Variants in RABEP2 observed in about 807,000 individuals in gnomAD.
The protein encoded by RABEP2 is rab GTPase-binding effector protein 2.
RABEP2 carries 57 observed loss-of-function variants against 74.1 expected under a neutral mutation model. The ratio of observed to expected loss-of-function variants is 0.77; its 90% CI spans 0.62 to 0.96. The LOEUF (loss-of-function observed/expected upper bound fraction) is 0.96, where lower values mean the gene tolerates loss of function less well. Ranked by LOEUF, RABEP2 falls within the 40% of genes least tolerant of loss-of-function variation. The pLI is 0.00. For synonymous variants in RABEP2, 351 were observed against 344.0 expected (o/e 1.02, Z -0.23); for missense variants, 692 against 756.3 (o/e 0.91, Z 1.00).
chr16:28,910,756 G>T (rs531725829), intron 7 of RABEP2, 132 bp downstream of exon 7: 2 of 773,816 alleles, frequency 2.6e-6, no homozygotes, highest in East Asian at 2.7e-5. Flanking sequence ...ACCTGGCACC[G>T]GTTCCAGGGT....
rs547641796 is a variant in RABEP2, at chr16:28,911,216, G to A, written c.895-37C>T. The stretch of plus-strand genomic sequence containing the variant: ...CCTGCCTTCAGCCTGCATCTCCCAG[G>A]AACTTGGCCCCCCTCACCACACTTC... On this transcript the variant is annotated intron_variant, in intron 5 of 12. Transcript: ENST00000358201. 4.4e-4 allele frequency: 706 copies of A among 1,589,878 alleles called. 1 individual carries two copies. Among genetic ancestry groups the A allele is most frequent in the Non-Finnish European group, 5.7e-4 (670 of 1,171,818 alleles).
intron 2 of RABEP2, among the ~76,000 whole-genome samples, chr16:28,921,468 C>G (rs1217730326): frequency 6.6e-6 from 1 of 151,816 alleles, no homozygotes; most frequent in African/African-American, 2.4e-5. Flanking sequence ...GGAAGAGCAG[C>G]TGGCGTGGCT....
intron 8 of RABEP2, 69 bp downstream of exon 8, chr16:28,908,540 C>T: frequency 2.0e-6 from 3 of 1,499,746 alleles, no homozygotes; most frequent in East Asian, 2.3e-5. Flanking sequence ...GTGACCAACG[C>T]TCTGCCCTGC....
At chr16:28,921,912 C>G (rs1178837832) in intron 2 of RABEP2, among the ~76,000 whole-genome samples, 1 of 151,944 alleles carries the variant, frequency 6.6e-6, no homozygotes, top group East Asian at 1.9e-4. Flanking sequence ...TTGCAGTGAA[C>G]CGAGATTGTG....
Position 28,924,448 on chromosome 16 carries a change from G to A in RABEP2, c.229C>T (p.Arg77Trp). The A allele has an allele frequency of 6.2e-7, 1 of 1,613,656 alleles. No homozygotes were observed. Among genetic ancestry groups the A allele is most frequent in the Non-Finnish European group, 8.5e-7 (1 of 1,179,998 alleles). The change falls in exon 2 of 13, where the codon CGG becomes TGG. Residue 77 changes from arginine to tryptophan, a missense_variant. Physicochemically the swap from Arg to Trp is moderately radical, Grantham distance 101. Coordinates refer to ENST00000358201, the MANE Select transcript of RABEP2 (RefSeq NM_024816.3). ...TKAEAVAAVQRQCQEEVASLQ... is the reference protein window; with the variant it reads ...TKAEAVAAVQWQCQEEVASLQ... ...GAGGCCACCTCCTCTTGGCACTGCCGCTGCACCGCAGCCACAGCCTCGGCC... is the reference window on the plus strand; with the variant it reads ...GAGGCCACCTCCTCTTGGCACTGCCACTGCACCGCAGCCACAGCCTCGGCC...
In RABEP2 at chr16:28,908,609, T is replaced by A. The variant is rs1451658421; in HGVS notation, c.1245A>T (p.Pro415=). 2 of 1,608,052 alleles carry A rather than the reference T, an allele frequency of 1.2e-6. No individual in the cohort carries two copies. Among genetic ancestry groups the A allele is most frequent in the Admixed American group, 3.4e-5 (2 of 59,410 alleles). The change falls in exon 8 of 13, where the codon CCA becomes CCT. Residue 415 remains proline, a splice_region_variant and synonymous_variant. Transcript: ENST00000358201. The stretch of plus-strand genomic sequence containing the variant: ...CTCTCAGTGCCCACACTCAGCTTAC[T>A]GGCACAGAGCTGGGCAGTGATTCCT... The part of the protein sequence containing the change: ...GEEESLPSSV[P]ELQQLLCCTR...
chr16:28,905,928 C>G lies in RABEP2; in HGVS notation c.1424-50G>C, dbSNP rs762870201. 2.5e-6 allele frequency: 4 copies of G among 1,613,078 alleles called. No homozygotes were observed. In the African/African-American group the frequency reaches 5.3e-5, roughly 22 times the overall value. On this transcript the variant is annotated intron_variant, in intron 9 of 12. Transcript: ENST00000358201. ...TCAAGGCCAGCCTCTCTCCCCTCCC[C>G]GCTGCTGCCCACGCCTGGGCCCCGG...
At chr16:28,916,782 A>C (rs1486022016) in intron 3 of RABEP2, among the ~76,000 whole-genome samples, 1 of 151,916 alleles carries the variant, frequency 6.6e-6, no homozygotes, top group African/African-American at 2.4e-5. Flanking sequence ...TCAGGAGTTC[A>C]AGACCAGACT....
intron 8 of RABEP2, among the ~76,000 whole-genome samples, 173 bp from the exon 9 acceptor site, chr16:28,906,369 G>A (rs1964232034): frequency 6.6e-6 from 1 of 152,208 alleles, no homozygotes; most frequent in African/African-American, 2.4e-5. Context: ...GGACAGGTGC[G>A]CTCCGGCCCA....
At chr16:28,910,855 C>T (rs529424657) in intron 7 of RABEP2, 33 bp downstream of exon 7, 45 of 1,567,340 alleles carry the variant, frequency 2.9e-5, no homozygotes, top group East Asian at 1.3e-4. Flanking sequence ...CTGGACTCCT[C>T]GCCCTCCTGC....
In RABEP2 at chr16:28,905,533, A is replaced by G; in HGVS notation, c.1492-20T>C. 6.2e-7 allele frequency: 1 copy of G among 1,601,746 alleles called. No individual in the cohort carries two copies. The highest frequency in any genetic ancestry group is 1.1e-5 in the South Asian group (1 of 90,142). ...CTGGGCCTGCGGGGACAGACACCAC[A>G]CTGAGCTGGGCCTGGCTCAGCCTGG... On this transcript the variant is annotated intron_variant, in intron 11 of 12. Transcript: ENST00000358201.
intron 7 of RABEP2, 139 bp from the exon 8 acceptor site, chr16:28,908,903 G>C: frequency 2.3e-6 from 2 of 875,416 alleles, no homozygotes; most frequent in Non-Finnish European, 3.4e-6. Context: ...CAAGGAAGGA[G>C]CACTTTTTGC....
At chr16:28,923,106 G>C (rs1350152516) in intron 2 of RABEP2, among the ~76,000 whole-genome samples, 1 of 151,914 alleles carries the variant, frequency 6.6e-6, no homozygotes, top group Non-Finnish European at 1.5e-5. Flanking sequence ...CACATAGTGA[G>C]TGCTCAAAAC....
intron 8 of RABEP2, among the ~76,000 whole-genome samples, chr16:28,907,022 T>C (rs549924407): frequency 3.8e-4 from 57 of 151,984 alleles, no homozygotes; most frequent in Non-Finnish European, 7.8e-4. Flanking sequence ...AAGTTAAGCA[T>C]CGCACTGTAC....
intron 1 of RABEP2, 74 bp downstream of exon 1, chr16:28,925,029 C>T: frequency 6.9e-7 from 1 of 1,457,552 alleles, no homozygotes; most frequent in Non-Finnish European, 9.3e-7. Context: ...CTCCACCCCC[C>T]ATCCGCAGGT....
intron 7 of RABEP2, among the ~76,000 whole-genome samples, chr16:28,909,715 A>G (rs554493647): frequency 4.2e-4 from 62 of 147,914 alleles, no homozygotes; most frequent in Middle Eastern, 3.4e-3. Context: ...AGAGCAACAC[A>G]CCATTTCTTA....
chr16:28,923,229 G>C (rs527798834), intron 2 of RABEP2, among the ~76,000 whole-genome samples: 1 of 152,154 alleles, frequency 6.6e-6, no homozygotes, highest in South Asian at 2.1e-4. Context: ...GTAACATAGA[G>C]AGACCCTGTT....
Position 28,924,336 on chromosome 16 carries a change from T to A in RABEP2, c.274+67A>T, listed in dbSNP as rs1964505815. On this transcript the variant is annotated intron_variant, in intron 2 of 12. Coordinates refer to ENST00000358201, the MANE Select transcript of RABEP2 (RefSeq NM_024816.3). ...TCCCATAGCTTATCTGTGCCCCCAA[T>A]CCCTTTCTCGTCATGCACTCCCCAG... 3 of 1,472,360 alleles carry A rather than the reference T, an allele frequency of 2.0e-6. No homozygotes were observed. In the Admixed American group the frequency reaches 5.1e-5, roughly 25 times the overall value. The allele number at this position is 1,472,360 out of a possible 1,614,324, so 91.2% of individuals were successfully genotyped here.
chr16:28,924,647 A>G, intron 1 of RABEP2, 32 bp from the exon 2 acceptor site: 1 of 1,584,190 alleles, frequency 6.3e-7, no homozygotes, highest in Non-Finnish European at 8.6e-7. Context: ...CTCTCTTCCC[A>G]TCTCTTACCC....
Sources: allele counts gnomAD v4.1 joint callset (sites outside exome capture counted in the v4.1 genomes callset), GRCh38; gene constraint gnomAD v4.1.1; transcripts MANE v1.5; gene names NCBI Gene and HGNC (gene_info 2026-07-23, HGNC 2026-07-21).